Variants in SGCD observed in about 807,000 individuals in gnomAD.
SGCD encodes sarcoglycan delta.
A neutral mutation model predicts 36.6 loss-of-function variants in SGCD; 18 were observed. The observed-to-expected ratio is 0.49, with a 90% CI of 0.34 to 0.73. The LOEUF (loss-of-function observed/expected upper bound fraction) is 0.73, where lower values mean the gene tolerates loss of function less well. Among genes scored for constraint, SGCD ranks in the 30% least tolerant of loss-of-function variants. The pLI is 0.01. For synonymous variants in SGCD, 133 were observed against 130.6 expected (o/e 1.02, Z -0.12); for missense variants, 387 against 346.7 (o/e 1.12, Z -0.92).
intron 3 of SGCD, among the ~76,000 whole-genome samples, chr5:156,236,484 C>G (rs1765167355): frequency 6.7e-6 from 1 of 149,220 alleles, no homozygotes; most frequent in African/African-American, 2.5e-5. Flanking sequence ...GAGTCTCGCT[C>G]TGTCACCCAG....
Position 156,639,837 on chromosome 5 carries a change from G to GT in SGCD, c.503-7617dup, listed in dbSNP as rs199528326. On this transcript the variant is annotated intron_variant, in intron 6 of 8. Coordinates refer to ENST00000337851, the MANE Select transcript of SGCD (RefSeq NM_000337.6). ...GTCTTCTTTCTACCTCTATTCTCAT[G>GT]TTTTTTTTTTCATTTTCCTTTGATG... is the stretch of plus-strand genomic sequence containing the variant. Among the ~76,000 whole-genome samples, 361 of 145,036 alleles carry GT rather than the reference G, an allele frequency of 2.5e-3. 1 individual carries two copies. The highest frequency in any genetic ancestry group is 2.8e-3 in the Admixed American group (41 of 14,540).
chr5:156,519,346 C>A (rs1393328974), intron 4 of SGCD, among the ~76,000 whole-genome samples: 5 of 151,362 alleles, frequency 3.3e-5, no homozygotes, highest in African/African-American at 1.2e-4. Context: ...AAAAGCCTAC[C>A]AACAAAAAAA....
intron 7 of SGCD, among the ~76,000 whole-genome samples, chr5:156,689,176 T>C (rs1391320203): frequency 1.3e-5 from 2 of 152,168 alleles, no homozygotes; most frequent in Admixed American, 6.6e-5. Context: ...TTATATAAGA[T>C]GGTGATATTA....
chr5:156,316,891 C>A (rs1221767628), intron 3 of SGCD, among the ~76,000 whole-genome samples: 1 of 151,934 alleles, frequency 6.6e-6, no homozygotes, highest in African/African-American at 2.4e-5. Flanking sequence ...ATAATAGAGG[C>A]CTGGATTCAA....
At chr5:156,490,761 G>A (rs1755903051) in intron 3 of SGCD, among the ~76,000 whole-genome samples, 1 of 152,084 alleles carries the variant, frequency 6.6e-6, no homozygotes, top group South Asian at 2.1e-4. Context: ...GCTGAATAGG[G>A]AAAAGCTGAA....
At chr5:156,603,647 T>C (rs1036004759) in intron 6 of SGCD, among the ~76,000 whole-genome samples, 1 of 152,112 alleles carries the variant, frequency 6.6e-6, no homozygotes, top group Non-Finnish European at 1.5e-5. Context: ...TATTTAAATT[T>C]CCTTTTTAAT....
intron 3 of SGCD, among the ~76,000 whole-genome samples, chr5:156,282,521 C>T (rs531207004): frequency 6.6e-6 from 1 of 152,090 alleles, no homozygotes; most frequent in Non-Finnish European, 1.5e-5. Context: ...TATTTTCAAC[C>T]ACTGGTAGCA....
At chr5:155,985,558 G>C (rs1015159158) in intron 1 of SGCD, among the ~76,000 whole-genome samples, 2 of 152,064 alleles carry the variant, frequency 1.3e-5, no homozygotes, top group Non-Finnish European at 2.9e-5. Context: ...ATATTTGGAG[G>C]GTCATTATTC....
chr5:156,324,746 C>CTT (rs879894194), upstream of SGCD, among the ~76,000 whole-genome samples: 2 of 145,668 alleles, frequency 1.4e-5, no homozygotes, highest in African/African-American at 5.0e-5. Context: ...TTTAAAACTT[C>CTT]TTTTTTTTTT....
intron 1 of SGCD, among the ~76,000 whole-genome samples, chr5:155,883,989 C>T (rs1253018085): frequency 3.3e-5 from 5 of 152,052 alleles, no homozygotes; most frequent in Non-Finnish European, 5.9e-5. Context: ...GAGCTCTCTC[C>T]AATCCATATC....
At chr5:156,398,142 G>C (rs1448718796) in intron 3 of SGCD, among the ~76,000 whole-genome samples, 3 of 152,198 alleles carry the variant, frequency 2.0e-5, no homozygotes, top group African/African-American at 7.2e-5. Flanking sequence ...ATGCAGATGT[G>C]TCATCTGCGA....
chr5:156,576,429 G>GGTATATACC (rs1368615106), intron 4 of SGCD, among the ~76,000 whole-genome samples: 1 of 152,002 alleles, frequency 6.6e-6, no homozygotes, highest in Non-Finnish European at 1.5e-5. Flanking sequence ...TAATCCTTTC[G>GGTATATACC]GTATATACCC....
chr5:156,535,793 T>A (rs1758080021), intron 4 of SGCD, among the ~76,000 whole-genome samples: 1 of 152,208 alleles, frequency 6.6e-6, no homozygotes, highest in African/African-American at 2.4e-5. Context: ...TTCCAAAATG[T>A]TATTGCCTGT....
chr5:156,416,221 C>G (rs571463939), intron 3 of SGCD, among the ~76,000 whole-genome samples: 2 of 152,274 alleles, frequency 1.3e-5, no homozygotes, highest in African/African-American at 4.8e-5. Flanking sequence ...TCACAGCAAC[C>G]TGGGTGGAAT....
intron 3 of SGCD, among the ~76,000 whole-genome samples, chr5:156,386,352 TGATGAG>T (rs1316805327): frequency 6.6e-6 from 1 of 152,206 alleles, no homozygotes; most frequent in African/African-American, 2.4e-5. Context: ...TTAAAGTAGG[TGATGAG>T]GATTAACAAT....
At chr5:156,540,563 A>G (rs1240405631) in intron 4 of SGCD, among the ~76,000 whole-genome samples, 2 of 152,180 alleles carry the variant, frequency 1.3e-5, no homozygotes, top group Admixed American at 6.6e-5. Context: ...CTGAATATTT[A>G]CATGAAAATC....
At chr5:156,014,329 A>G (rs1255280197) in intron 1 of SGCD, among the ~76,000 whole-genome samples, 1 of 152,124 alleles carries the variant, frequency 6.6e-6, no homozygotes, top group Non-Finnish European at 1.5e-5. Flanking sequence ...ATAATTTTAA[A>G]CCTGCAGAAA....
chr5:156,503,613 A>T (rs1756553069), intron 3 of SGCD, among the ~76,000 whole-genome samples: 1 of 152,210 alleles, frequency 6.6e-6, no homozygotes, highest in African/African-American at 2.4e-5. Context: ...TAAAGTCTGA[A>T]TTGGAAACAG....
chr5:156,304,277 C>A (rs568691421), intron 3 of SGCD, among the ~76,000 whole-genome samples: 36 of 152,252 alleles, frequency 2.4e-4, no homozygotes, highest in African/African-American at 8.2e-4. Context: ...CAAATATCAT[C>A]CTGAATTTTC....
Sources: allele counts gnomAD v4.1 joint callset (sites outside exome capture counted in the v4.1 genomes callset), GRCh38; gene constraint gnomAD v4.1.1; transcripts MANE v1.5; gene names NCBI Gene and HGNC (gene_info 2026-07-23, HGNC 2026-07-21).